Variants in ETS2 observed in about 807,000 individuals in gnomAD.
ETS2 encodes the protein ETS proto-oncogene 2, transcription factor.
A neutral mutation model predicts 54.9 loss-of-function variants in ETS2; 19 were observed. The ratio of observed to expected loss-of-function variants is 0.35; its 90% CI spans 0.24 to 0.51. The LOEUF is 0.51. Among genes scored for constraint, ETS2 ranks in the 20% least tolerant of loss-of-function variants. ETS2 has a pLI of 0.97. For missense variants in ETS2, 417 were observed against 593.0 expected (o/e 0.70, Z 3.08); for synonymous variants, 219 against 229.3 (o/e 0.95, Z 0.41).
chr21:38,822,948 C>A lies in ETS2; in HGVS notation c.*59C>A. 7.5e-7 allele frequency: 1 copy of A among 1,329,268 alleles called. No individual in the cohort carries two copies. The allele number at this position is 1,329,268 out of a possible 1,614,324, so 82.3% of individuals were successfully genotyped here. On this transcript the variant is annotated 3_prime_UTR_variant, in exon 10 of 10. Transcript: ENST00000360938. ...TCGTGGACTGAGTGGGAAGCCCATC[C>A]TGACCAGCTGCTCCGAGGACCCAGG...
At position 38,818,530 on chromosome 21, in the gene ETS2, C is replaced by T. The variant is rs764929763; in HGVS notation, c.695C>T (p.Ser232Phe). 5.6e-6 allele frequency: 9 copies of T among 1,614,088 alleles called. No homozygotes were observed. Among genetic ancestry groups the T allele is most frequent in the Non-Finnish European group, 7.6e-6 (9 of 1,180,048 alleles). The change falls in exon 7 of 10, where the codon TCT (serine) becomes TTT (phenylalanine). Residue 232 changes from serine to phenylalanine, a missense_variant. By Grantham distance (155) the Ser-to-Phe change is radical. Around this residue, in one of 3 missense-constraint regions of ETS2, gnomAD observed 326 missense variants for 426.1 expected, o/e 0.76. Transcript: ENST00000360938. ...GCCTCCACACCCAGCGTACTCAGCT[C>T]TGAGCAGGAGTTTCAGATGTTCCCC... is the stretch of plus-strand genomic sequence containing the variant. ...CPASTPSVLS[S>F]EQEFQMFPKS...
At position 38,806,396 on chromosome 21, in the gene ETS2, C is replaced by T. The variant is rs1007795054; in HGVS notation, c.-1+276C>T. 2.0e-6 allele frequency: 2 copies of T among 985,680 alleles called. No homozygotes were observed. Among genetic ancestry groups the T allele is most frequent in the Non-Finnish European group, 2.4e-6 (2 of 830,324 alleles). The allele number at this position is 985,680 out of a possible 1,614,324, so 61.1% of individuals were successfully genotyped here. On this transcript the variant is annotated intron_variant, in intron 1 of 9. Transcript: ENST00000360938. The surrounding 1 kb of genome is among the most constrained non-coding windows in gnomAD (Gnocchi z 4.3). ...GGCCGCTGTCTTCGGGGTCGCCTAG[C>T]GGCGGGCGCGGCCAGGGCGCGCTGG... is the stretch of plus-strand genomic sequence containing the variant.
chr21:38,805,318 T>C, upstream of ETS2: 1 of 1,271,494 alleles, frequency 7.9e-7, no homozygotes, highest in Non-Finnish European at 1.0e-6. This position sits in a 1 kb window ranked among gnomAD's most constrained non-coding sequence, Gnocchi z 5.2. Context: ...GAATGATCAT[T>C]AGTCCTAAGC....
At chr21:38,809,818 T>A in intron 1 of ETS2, 1 of 434,150 alleles carries the variant, frequency 2.3e-6, no homozygotes, top group Non-Finnish European at 4.1e-6. Context: ...GCATTATTAT[T>A]CAATCACTGA....
chr21:38,809,949 G>T (rs1363701347), intron 1 of ETS2, 86 bp from the exon 2 acceptor site: 1 of 824,260 alleles, frequency 1.2e-6, no homozygotes, highest in Non-Finnish European at 1.9e-6. Context: ...GTAGAACTCA[G>T]CCAGGATCAA....
At chr21:38,809,235 T>C (rs2123406996) in intron 1 of ETS2, among the ~76,000 whole-genome samples, 1 of 152,344 alleles carries the variant, frequency 6.6e-6, no homozygotes, top group East Asian at 1.9e-4. Context: ...TGTGTGGATT[T>C]GTACTAGCCA....
intron 3 of ETS2, 83 bp downstream of exon 3, chr21:38,813,197 A>T (rs2060920576): frequency 5.7e-6 from 5 of 882,930 alleles, no homozygotes; most frequent in Non-Finnish European, 9.6e-6. Flanking sequence ...TTCCTAAGTG[A>T]GAAATGTTGG....
intron 5 of ETS2, among the ~76,000 whole-genome samples, chr21:38,815,228 T>C (rs1448574049): frequency 6.6e-6 from 1 of 151,712 alleles, no homozygotes; most frequent in Non-Finnish European, 1.5e-5. Flanking sequence ...AGCCACAAGG[T>C]AGTAGCCTTA....
Position 38,812,976 on chromosome 21 carries a change from C to T in ETS2, c.73-27C>T, listed in dbSNP as rs747101392. On this transcript the variant is annotated intron_variant, in intron 2 of 9. Transcript: ENST00000360938. ...TTCAATCAGTTTAAATATTGTATTT[C>T]CATTTTTTTTCCATCTGTTTTTGCA... The T allele has an allele frequency of 2.5e-5, 37 of 1,471,790 alleles. No individual in the cohort carries two copies. The African/African-American group carries it at 4.9e-4, about 19-fold the overall frequency. The allele number at this position is 1,471,790 out of a possible 1,614,324, so 91.2% of individuals were successfully genotyped here. A position where few individuals can be genotyped will look rare whatever the true frequency, so the allele number is the denominator to read the frequency against.
intron 5 of ETS2, 111 bp from the exon 6 acceptor site, chr21:38,816,897 T>C: frequency 1.5e-6 from 1 of 673,942 alleles, no homozygotes; most frequent in East Asian, 2.7e-5. Flanking sequence ...AAGCACTCCG[T>C]GCATCTCATC....
chr21:38,822,642 G>T (rs1337140086), intron 9 of ETS2, 32 bp from the exon 10 acceptor site: 2 of 1,565,350 alleles, frequency 1.3e-6, no homozygotes, highest in Non-Finnish European at 1.8e-6. Context: ...GACAAATTGA[G>T]TTTAACTCTT....
chr21:38,821,736 T>C lies in ETS2; in HGVS notation c.1194+32T>C. 1 of 1,489,066 alleles carries C rather than the reference T, an allele frequency of 6.7e-7. No individual in the cohort carries two copies. Among genetic ancestry groups the C allele is most frequent in the Non-Finnish European group, 9.4e-7 (1 of 1,067,902 alleles). 92.2% of individuals were successfully genotyped at this position (1,489,066 alleles called of 1,614,324 possible). On this transcript the variant is annotated intron_variant, in intron 9 of 9. Transcript: ENST00000360938. The surrounding 1 kb of genome is among the most constrained non-coding windows in gnomAD (Gnocchi z 4.2). Reference sequence around the variant, plus strand: ...CCAGAGCCCTGGGAAATCTCTGGGCTTGAAAACCTGATTTCCTGCTTGCAT... The same window carrying C: ...CCAGAGCCCTGGGAAATCTCTGGGCCTGAAAACCTGATTTCCTGCTTGCAT...
intron 1 of ETS2, 28 bp from the exon 2 acceptor site, chr21:38,810,007 C>G: frequency 2.0e-6 from 3 of 1,503,916 alleles, no homozygotes; most frequent in Non-Finnish European, 2.7e-6. Flanking sequence ...TCTTTTGCCT[C>G]TTTGACTTTT....
intron 1 of ETS2, among the ~76,000 whole-genome samples, chr21:38,807,447 A>G (rs1245620901): frequency 1.4e-5 from 2 of 140,506 alleles, no homozygotes; most frequent in Non-Finnish European, 3.0e-5. Flanking sequence ...GTTTAAAAGC[A>G]GCGATCCATC....
At position 38,806,373 on chromosome 21, in the gene ETS2, C is replaced by A; in HGVS notation, c.-1+253C>A. ...GCCGGGGGGTTCCTGCGTGCTAGGGCCGCTGTCTTCGGGGTCGCCTAGCGG... is the reference window on the plus strand; with the variant it reads ...GCCGGGGGGTTCCTGCGTGCTAGGGACGCTGTCTTCGGGGTCGCCTAGCGG... On this transcript the variant is annotated intron_variant, in intron 1 of 9. Coordinates refer to ENST00000360938, the MANE Select transcript of ETS2 (RefSeq NM_005239.6). The surrounding 1 kb of genome is among the most constrained non-coding windows in gnomAD (Gnocchi z 4.3). 1.0e-6 allele frequency: 1 copy of A among 984,442 alleles called. No individual in the cohort carries two copies. 61.0% of individuals were successfully genotyped at this position (984,442 alleles called of 1,614,324 possible).
chr21:38,821,726 A>G lies in ETS2; in HGVS notation c.1194+22A>G, dbSNP rs768854924. On this transcript the variant is annotated intron_variant, in intron 9 of 9. Coordinates refer to ENST00000360938, the MANE Select transcript of ETS2 (RefSeq NM_005239.6). The surrounding 1 kb of genome is among the most constrained non-coding windows in gnomAD (Gnocchi z 4.2). ...TGAGGTATGGCCAGAGCCCTGGGAAATCTCTGGGCTTGAAAACCTGATTTC... is the reference window on the plus strand; with the variant it reads ...TGAGGTATGGCCAGAGCCCTGGGAAGTCTCTGGGCTTGAAAACCTGATTTC... The G allele has an allele frequency of 1.9e-6, 3 of 1,540,726 alleles. No individual in the cohort carries two copies. Among genetic ancestry groups the G allele is most frequent in the Admixed American group, 1.7e-5 (1 of 58,310 alleles).
Position 38,814,718 on chromosome 21 carries a change from TG to T in ETS2, c.305-61del. The T allele has an allele frequency of 7.0e-7, 1 of 1,420,680 alleles. No homozygotes were observed. The allele number at this position is 1,420,680 out of a possible 1,614,324, so 88.0% of individuals were successfully genotyped here. On this transcript the variant is annotated intron_variant, in intron 4 of 9. Transcript: ENST00000360938. The surrounding 1 kb of genome is among the most constrained non-coding windows in gnomAD (Gnocchi z 4.2). ...TTGGTGCATAAATTAGGGATGACAGTGGTCTCACTACCTTTCCACTGTTTTT... is the reference window on the plus strand; with the variant it reads ...TTGGTGCATAAATTAGGGATGACAGTGTCTCACTACCTTTCCACTGTTTTT...
chr21:38,812,913 T>C (rs2060919148), intron 2 of ETS2, 90 bp from the exon 3 acceptor site: 1 of 849,462 alleles, frequency 1.2e-6, no homozygotes, highest in Non-Finnish European at 2.0e-6. Context: ...CAGGGACTAT[T>C]GGTAGGATTG....
rs917846503 is a variant in ETS2 at position 38,806,246 on chromosome 21, G to A, written c.-1+126G>A. 6.1e-6 allele frequency: 6 copies of A among 977,144 alleles called. No homozygotes were observed. In the African/African-American group the frequency reaches 8.8e-5, roughly 14 times the overall value. 60.5% of individuals were successfully genotyped at this position (977,144 alleles called of 1,614,324 possible). On this transcript the variant is annotated intron_variant, in intron 1 of 9. Transcript: ENST00000360938. The surrounding 1 kb of genome is among the most constrained non-coding windows in gnomAD (Gnocchi z 4.3). ...ATCTCGGGGCGCTGCCGGGGGTGCA[G>A]GTGGGGGTGGCGGCTGCTGCGAGGA... is the stretch of plus-strand genomic sequence containing the variant.
Sources: allele counts gnomAD v4.1 joint callset (sites outside exome capture counted in the v4.1 genomes callset), GRCh38; gene constraint gnomAD v4.1.1; regional missense constraint gnomAD v4.1.1; non-coding constraint Gnocchi (gnomAD v3.1); transcripts MANE v1.5; gene names NCBI Gene and HGNC (gene_info 2026-07-23, HGNC 2026-07-21).